The following ARMH3 variants were observed in gnomAD, a reference collection of about 807,000 sequenced individuals.
ARMH3 encodes armadillo-like helical domain-containing protein 3.
In ARMH3, 60 loss-of-function variants were observed where a neutral mutation model predicts 99.1. The ratio of observed to expected loss-of-function variants is 0.61; its 90% CI spans 0.49 to 0.75. ARMH3 has a LOEUF of 0.75. Ranked by LOEUF, ARMH3 falls within the 30% of genes least tolerant of loss-of-function variation. The pLI, the probability that ARMH3 is intolerant of heterozygous loss-of-function variation, is 0.00. For missense variants in ARMH3, 679 were observed against 843.1 expected (o/e 0.81, Z 2.41); for synonymous variants, 285 against 292.8 (o/e 0.97, Z 0.27).
At chr10:101,961,039 T>A (rs892350763) in intron 20 of ARMH3, among the ~76,000 whole-genome samples, 1 of 152,222 alleles carries the variant, frequency 6.6e-6, no homozygotes, top group African/African-American at 2.4e-5. Context: ...GTTTATAACT[T>A]TCTCCACCTG....
In ARMH3 at chr10:102,056,166, G is replaced by A. The variant is rs1443362488; in HGVS notation, c.-93C>T. ...ACGCCACCGACGCTGCCGCTGCTCC[G>A]GGCTCACGGGCGCGCTCCCGACCTC... On this transcript the variant is annotated 5_prime_UTR_variant, in exon 1 of 26. Coordinates refer to ENST00000370033, the MANE Select transcript of ARMH3 (RefSeq NM_024541.3). 6.6e-6 allele frequency: 1 copy of A among 152,164 alleles called. No homozygotes were observed. The highest frequency in any genetic ancestry group is 1.5e-5 in the Non-Finnish European group (1 of 68,068). The allele number at this position is 152,164 out of a possible 1,614,324, so 9.4% of individuals were successfully genotyped here.
intron 20 of ARMH3, among the ~76,000 whole-genome samples, chr10:101,961,221 C>G (rs1267639961): frequency 6.6e-6 from 1 of 152,204 alleles, no homozygotes; most frequent in Non-Finnish European, 1.5e-5. Context: ...GCAGGCCTCT[C>G]TGCCAGCTCC....
chr10:101,881,200 T>A (rs1339907976), intron 24 of ARMH3, among the ~76,000 whole-genome samples: 2 of 152,214 alleles, frequency 1.3e-5, no homozygotes, highest in African/African-American at 4.8e-5. Context: ...GAGTGGAGAC[T>A]TAAACTTAGG....
intron 20 of ARMH3, among the ~76,000 whole-genome samples, chr10:101,969,061 T>C (rs1845658380): frequency 1.3e-5 from 2 of 152,168 alleles, no homozygotes; most frequent in African/African-American, 4.8e-5. Context: ...TTTAGCAGAA[T>C]GAGGAAGAGC....
At chr10:102,037,400 T>A (rs1274082212) in intron 2 of ARMH3, among the ~76,000 whole-genome samples, 1 of 151,952 alleles carries the variant, frequency 6.6e-6, no homozygotes, top group Admixed American at 6.6e-5. Context: ...GTCAGGCTGG[T>A]CTCAAACATC....
At chr10:101,945,708 G>A (rs1199729524) in intron 22 of ARMH3, among the ~76,000 whole-genome samples, 4 of 150,146 alleles carry the variant, frequency 2.7e-5, no homozygotes, top group South Asian at 2.1e-4. Context: ...GTGACAGAAC[G>A]AGACTCTGTC....
chr10:101,937,158 A>G (rs889072869), intron 23 of ARMH3, among the ~76,000 whole-genome samples: 1 of 152,210 alleles, frequency 6.6e-6, no homozygotes, highest in East Asian at 1.9e-4. Context: ...TAAGTCTTCA[A>G]TGCAGCTTTA....
chr10:101,929,590 A>G (rs527343347), intron 23 of ARMH3, among the ~76,000 whole-genome samples: 1 of 152,342 alleles, frequency 6.6e-6, no homozygotes, highest in Non-Finnish European at 1.5e-5. Flanking sequence ...TAACATTTCT[A>G]TATTTCACTG....
At chr10:102,008,292 T>C (rs1256772359) in intron 13 of ARMH3, among the ~76,000 whole-genome samples, 1 of 152,230 alleles carries the variant, frequency 6.6e-6, no homozygotes, top group East Asian at 1.9e-4. Flanking sequence ...CATATACATC[T>C]ACCCTTTGAG....
intron 19 of ARMH3, among the ~76,000 whole-genome samples, chr10:101,983,656 AG>A (rs1000672946): frequency 9.9e-5 from 15 of 152,220 alleles, no homozygotes; most frequent in Admixed American, 9.8e-4. Flanking sequence ...GGAGGCCTAC[AG>A]GAAGGCGAAC....
chr10:102,034,438 C>T (rs1023299711), intron 2 of ARMH3, among the ~76,000 whole-genome samples: 2 of 151,364 alleles, frequency 1.3e-5, no homozygotes, highest in Non-Finnish European at 2.9e-5. Flanking sequence ...AGATCGAGAC[C>T]ATCCTGGCTA....
intron 22 of ARMH3, among the ~76,000 whole-genome samples, chr10:101,949,078 G>A (rs2135766395): frequency 6.6e-6 from 1 of 152,062 alleles, no homozygotes; most frequent in Middle Eastern, 3.4e-3. Context: ...AAATGTATGA[G>A]CTGCAACTAA....
At chr10:101,922,494 C>T (rs1843343337) in intron 23 of ARMH3, among the ~76,000 whole-genome samples, 1 of 152,158 alleles carries the variant, frequency 6.6e-6, no homozygotes, top group African/African-American at 2.4e-5. Flanking sequence ...TCAAGTGATC[C>T]TCTTGCCTTG....
rs1453907340 is a variant in ARMH3, at chr10:102,001,434, C to T, written c.1150+537G>A. On this transcript the variant is annotated intron_variant, in intron 15 of 25. Transcript: ENST00000370033. ...CAAACAGAGGAAAAACAGGAAATCA[C>T]ACAACAAAACCTCAAACTTTTCCAA... 3.9e-5 allele frequency among the ~76,000 whole-genome samples: 6 copies of T among 152,194 alleles called. No individual in the cohort carries two copies. In the East Asian group the frequency reaches 1.2e-3, roughly 29 times the overall value.
chr10:101,908,576 T>C (rs1032292435), intron 23 of ARMH3, among the ~76,000 whole-genome samples: 8 of 152,164 alleles, frequency 5.3e-5, no homozygotes, highest in African/African-American at 1.7e-4. Flanking sequence ...ATCATATCAG[T>C]TGAAAACCAC....
At chr10:101,869,194 GTTGT>G (rs1342269933) in intron 24 of ARMH3, among the ~76,000 whole-genome samples, 1 of 152,160 alleles carries the variant, frequency 6.6e-6, no homozygotes, top group African/African-American at 2.4e-5. Context: ...TAACTTGGGT[GTTGT>G]TTAAGGGTCA....
intron 23 of ARMH3, among the ~76,000 whole-genome samples, chr10:101,932,041 T>A (rs1232025871): frequency 6.6e-6 from 1 of 151,840 alleles, no homozygotes; most frequent in Non-Finnish European, 1.5e-5. Context: ...AATAAAGAAC[T>A]CCTAAAACTC....
intron 20 of ARMH3, among the ~76,000 whole-genome samples, chr10:101,969,501 A>G (rs1169518624): frequency 6.6e-6 from 1 of 152,218 alleles, no homozygotes; most frequent in Non-Finnish European, 1.5e-5. Flanking sequence ...CAAGCTTCCA[A>G]CGAAAGGCTC....
chr10:101,852,736 A>G lies in ARMH3; in HGVS notation c.1861-2844T>C, dbSNP rs576892748. On this transcript the variant is annotated intron_variant, in intron 24 of 25. Coordinates refer to ENST00000370033, the MANE Select transcript of ARMH3 (RefSeq NM_024541.3). The stretch of plus-strand genomic sequence containing the variant: ...GCCACTGCACTACTGCCTGGATGAC[A>G]GAGCAAGACCTTGTCTCAAAAAAAA... 2.6e-5 allele frequency among the ~76,000 whole-genome samples: 4 copies of G among 151,910 alleles called. No individual in the cohort carries two copies. The East Asian group carries it at 7.8e-4, about 29-fold the overall frequency.
Sources: allele counts gnomAD v4.1 joint callset (sites outside exome capture counted in the v4.1 genomes callset), GRCh38; gene constraint gnomAD v4.1.1; transcripts MANE v1.5; gene names NCBI Gene and HGNC (gene_info 2026-07-23, HGNC 2026-07-21).